COL6A3: variants seen among roughly 807,000 people sequenced by gnomAD.
COL6A3 encodes the protein collagen alpha-3(VI) chain.
COL6A3 carries 137 observed loss-of-function variants against 274.1 expected under a neutral mutation model. The observed-to-expected ratio is 0.50, with a 90% CI of 0.44 to 0.58. COL6A3 has a LOEUF of 0.58. Among genes scored for constraint, COL6A3 ranks in the 20% least tolerant of loss-of-function variants. The pLI is 0.00. For missense variants in COL6A3, 3,950 were observed against 4,124.9 expected, an observed-to-expected ratio of 0.96 and a Z score of 1.16; for synonymous variants, 1,650 against 1,650.6, an observed-to-expected ratio of 1.00 and a Z score of 0.01.
At chr2:237,403,278 C>T (rs557118454) in intron 1 of COL6A3, among the ~76,000 whole-genome samples, 14 of 152,208 alleles carry the variant, frequency 9.2e-5, no homozygotes, top group South Asian at 4.2e-4. Context: ...AGGCCTGACC[C>T]GCCAAAAATT....
chr2:237,386,852 C>A (rs2078155388), intron 4 of COL6A3, among the ~76,000 whole-genome samples: 1 of 152,144 alleles, frequency 6.6e-6, no homozygotes, highest in Admixed American at 6.5e-5. Flanking sequence ...CATCCTGATG[C>A]CCCCACCATA....
At chr2:237,338,598 A>G (rs1187717364) in intron 39 of COL6A3, among the ~76,000 whole-genome samples, 3 of 151,880 alleles carry the variant, frequency 2.0e-5, no homozygotes, top group Non-Finnish European at 2.9e-5. Context: ...CCCCATCTCT[A>G]CTGAAAAAAA....
At chr2:237,363,196 T>C in intron 14 of COL6A3, 57 bp downstream of exon 14, 1 of 1,567,794 alleles carries the variant, frequency 6.4e-7, no homozygotes, top group South Asian at 1.1e-5. Context: ...TCTCTTGAAA[T>C]GCCAAAAGGT....
intron 28 of COL6A3, among the ~76,000 whole-genome samples, chr2:237,348,910 G>A (rs183369451): frequency 1.2e-4 from 18 of 152,290 alleles, no homozygotes; most frequent in Admixed American, 5.2e-4. Context: ...AACATAGAAA[G>A]AACTGCTGGT....
intron 16 of COL6A3, 52 bp from the exon 17 acceptor site, chr2:237,360,211 T>C (rs1484724191): frequency 2.6e-6 from 4 of 1,566,730 alleles, no homozygotes; most frequent in Non-Finnish European, 3.5e-6. Context: ...CATCACCCTT[T>C]CTCTGCCGGG....
chr2:237,360,280 G>T (rs1422911137), intron 16 of COL6A3, 121 bp from the exon 17 acceptor site: 2 of 993,358 alleles, frequency 2.0e-6, no homozygotes, highest in African/African-American at 1.6e-5. Context: ...ATTTCACCAT[G>T]GGGAACGCCG....
chr2:237,369,152 A>C lies in COL6A3; in HGVS notation c.4311T>G (p.Ile1437Met), dbSNP rs2646260. 3.7e-6 allele frequency: 6 copies of C among 1,612,432 alleles called. No individual in the cohort carries two copies. The African/African-American group carries it at 8.0e-5, about 22-fold the overall frequency. The stretch of plus-strand genomic sequence containing the variant: ...CCTCAGAGCTGTCGATCAGAAAGAC[A>C]ATGTCTGCAGCATCACTCTCAACTG... ...PPAVESDAAD[I>M]VFLIDSSEGV... Residue 1437 changes from isoleucine to methionine, a missense_variant, in exon 10 of 44, where the codon ATT (isoleucine) becomes ATG (methionine). By Grantham distance (10) the Ile-to-Met change is conservative (BLOSUM62 1). This residue lies in a region of COL6A3 where 1,934 missense variants were observed against 1,984.3 expected (regional missense o/e 0.97). Coordinates refer to ENST00000295550, the MANE Select transcript of COL6A3 (RefSeq NM_004369.4).
chr2:237,334,262 A>G (rs557889666), intron 41 of COL6A3, among the ~76,000 whole-genome samples: 18 of 152,300 alleles, frequency 1.2e-4, no homozygotes, highest in Admixed American at 1.2e-3. Context: ...TTTCCTGAAC[A>G]TGGAAACCTG....
chr2:237,410,272 A>G (rs929363713), intron 1 of COL6A3, among the ~76,000 whole-genome samples: 4 of 151,052 alleles, frequency 2.6e-5, no homozygotes, highest in Non-Finnish European at 4.4e-5. Flanking sequence ...ACAGACCAGG[A>G]TGAACGTGCT....
chr2:237,372,443 C>T, intron 8 of COL6A3, 106 bp from the exon 9 acceptor site: 9 of 1,587,006 alleles, frequency 5.7e-6, no homozygotes, highest in Non-Finnish European at 7.7e-6. Flanking sequence ...GGGATCCTAA[C>T]ACCAATCACC....
At position 237,324,461 on chromosome 2, in the gene COL6A3, A is replaced by T; in HGVS notation, c.*313T>A. 2.9e-6 allele frequency: 1 copy of T among 340,798 alleles called. No individual in the cohort carries two copies. The highest frequency in any genetic ancestry group is 5.5e-6 in the Non-Finnish European group (1 of 181,814). The allele number at this position is 340,798 out of a possible 1,614,324, so 21.1% of individuals were successfully genotyped here. Reference sequence around the variant, plus strand: ...TCTAGACTTTACATTTGCCTGCAACAGGCATAACATGAAACTCCAGAGGGA... The same window carrying T: ...TCTAGACTTTACATTTGCCTGCAACTGGCATAACATGAAACTCCAGAGGGA... On this transcript the variant is annotated 3_prime_UTR_variant, in exon 44 of 44. Transcript: ENST00000295550.
rs749158146 is a variant in COL6A3, at chr2:237,371,670, T to C, written c.4285+62A>G. On this transcript the variant is annotated intron_variant, in intron 9 of 43. Coordinates refer to ENST00000295550, the MANE Select transcript of COL6A3 (RefSeq NM_004369.4). This position sits in a 1 kb window ranked among gnomAD's most constrained non-coding sequence, Gnocchi z 4.3. ...AATTTATTATGAGTACCATGGCCTT[T>C]GAGCCTGTTATTTTTCATATGGAAA... 1.3e-6 allele frequency: 2 copies of C among 1,529,918 alleles called. No individual in the cohort carries two copies. Among genetic ancestry groups the C allele is most frequent in the Middle Eastern group, 1.8e-4 (1 of 5,640 alleles). The allele number at this position is 1,529,918 out of a possible 1,614,324, so 94.8% of individuals were successfully genotyped here. A position where few individuals can be genotyped will look rare whatever the true frequency, so the allele number is the denominator to read the frequency against.
chr2:237,363,454 T>C, intron 13 of COL6A3, 56 bp from the exon 14 acceptor site: 1 of 1,596,318 alleles, frequency 6.3e-7, no homozygotes, highest in Non-Finnish European at 8.6e-7. Context: ...AAATGCAATG[T>C]CCTTTTTTCC....
In COL6A3 at chr2:237,324,168, T is replaced by A. The variant is rs7436; in HGVS notation, c.*606A>T. 16,074 of 152,662 alleles carry A rather than the reference T, an allele frequency of 0.11. 1,008 individuals are homozygous for A. The highest frequency in any genetic ancestry group is 0.23 in the East Asian group (1,178 of 5,174). 9.5% of individuals were successfully genotyped at this position (152,662 alleles called of 1,614,324 possible). On this transcript the variant is annotated 3_prime_UTR_variant, in exon 44 of 44. Coordinates refer to ENST00000295550, the MANE Select transcript of COL6A3 (RefSeq NM_004369.4). ...AAAATATTCTCTATTACAACTTTTT[T>A]AAATTCTTTAATTAAGGCATTGGTC...
At chr2:237,380,559 G>A (rs971618782) in intron 5 of COL6A3, among the ~76,000 whole-genome samples, 1 of 152,184 alleles carries the variant, frequency 6.6e-6, no homozygotes, top group African/African-American at 2.4e-5. Flanking sequence ...ACATCCTGGT[G>A]ATGAGGAGGA....
At position 237,381,253 on chromosome 2, in the gene COL6A3, C is replaced by T; in HGVS notation, c.1559G>A (p.Gly520Asp). ...TAVRKMKPLD[G>D]SALYTGSALD... The stretch of plus-strand genomic sequence containing the variant: ...AGCAGAGCCCGTGTACAGGGCCGAG[C>T]CGTCCAGGGGCTTCATTTTCCGCAC... The change falls in exon 5 of 44, where the codon GGC (glycine) becomes GAC (aspartate). Residue 520 changes from glycine to aspartate, a missense_variant. Physicochemically the swap from Gly to Asp is moderately conservative, Grantham distance 94. Coordinates refer to ENST00000295550, the MANE Select transcript of COL6A3 (RefSeq NM_004369.4). The T allele has an allele frequency of 1.9e-6, 3 of 1,614,252 alleles. No individual in the cohort carries two copies. Among genetic ancestry groups the T allele is most frequent in the Non-Finnish European group, 2.5e-6 (3 of 1,180,046 alleles).
At position 237,394,610 on chromosome 2, in the gene COL6A3, G is replaced by C. The variant is rs141586922; in HGVS notation, c.686C>G (p.Thr229Arg). 8.7e-6 allele frequency: 14 copies of C among 1,613,982 alleles called. No individual in the cohort carries two copies. The highest frequency in any genetic ancestry group is 1.1e-5 in the Non-Finnish European group (13 of 1,180,024). Reference protein sequence around the residue: ...SSVSPERAGDTETLKDITAQD... With the variant: ...SSVSPERAGDRETLKDITAQD... ...ACCTGTGATGTCTTTAAGGGTTTCC[G>C]TGTCCCCAGCCCTTTCTGGACTCAC... The change falls in exon 3 of 44, where the codon ACG becomes AGG. Residue 229 changes from threonine (T) to arginine (R), a missense_variant. Coordinates refer to ENST00000295550, the MANE Select transcript of COL6A3 (RefSeq NM_004369.4).
rs374055173 is a variant in COL6A3, at chr2:237,395,188, C to T, written c.108G>A (p.Ala36=). Residue 36 remains alanine, a synonymous_variant, in exon 3 of 44, where the codon GCG becomes GCA. Coordinates refer to ENST00000295550, the MANE Select transcript of COL6A3 (RefSeq NM_004369.4). The part of the protein sequence containing the change: ...QQQQADVKNG[A]AADIIFLVDS... ...CCACTAGAAATATTATATCAGCAGC[C>T]GCACCATTTTTGACATCTTTAAAAA... is the stretch of plus-strand genomic sequence containing the variant. 56 of 1,613,228 alleles carry T rather than the reference C, an allele frequency of 3.5e-5. No individual in the cohort carries two copies. Among genetic ancestry groups the T allele is most frequent in the African/African-American group, 1.5e-4 (11 of 74,910 alleles).
intron 14 of COL6A3, 124 bp downstream of exon 14, chr2:237,363,129 A>C: frequency 2.1e-6 from 2 of 948,882 alleles, no homozygotes; most frequent in Non-Finnish European, 3.3e-6. Context: ...AAATAAATTT[A>C]ACTATCTACC....
Sources: gnomAD v4.1 joint callset for allele counts (sites outside exome capture counted in the v4.1 genomes callset) on GRCh38, gnomAD v4.1.1 for gene constraint, gnomAD v4.1.1 regional missense constraint, Gnocchi (gnomAD v3.1) non-coding constraint, MANE v1.5 for transcripts, NCBI Gene and HGNC (gene_info 2026-07-23, HGNC 2026-07-21) for gene names.